R3HCC1L: variants seen among roughly 807,000 people sequenced by gnomAD.
The protein encoded by R3HCC1L is coiled-coil domain-containing protein R3HCC1L.
Under a neutral mutation model 59.9 loss-of-function variants are expected in R3HCC1L, and 51 were observed. That is an observed-to-expected ratio of 0.85 (90% confidence interval 0.68 to 1.07). The LOEUF is 1.07. Ranked by LOEUF, R3HCC1L falls within the 50% of genes least tolerant of loss-of-function variation. The pLI is 0.00. For synonymous variants in R3HCC1L, 322 were observed against 315.2 expected, an observed-to-expected ratio of 1.02 and a Z score of -0.23; for missense variants, 965 against 933.0, an observed-to-expected ratio of 1.03 and a Z score of -0.45.
intron 2 of R3HCC1L, among the ~76,000 whole-genome samples, chr10:98,160,314 A>G (rs1324507194): frequency 6.6e-6 from 1 of 152,246 alleles, no homozygotes; most frequent in African/African-American, 2.4e-5. Flanking sequence ...GAGATGTGTT[A>G]CAAGTGTAAA....
At chr10:98,206,957 G>T (rs1046275825) in intron 4 of R3HCC1L, among the ~76,000 whole-genome samples, 1 of 152,188 alleles carries the variant, frequency 6.6e-6, no homozygotes, top group Admixed American at 6.5e-5. Context: ...TGATGATCAG[G>T]GCCACGGTAT....
chr10:98,187,062 C>G (rs775929167), intron 4 of R3HCC1L, among the ~76,000 whole-genome samples: 1 of 152,130 alleles, frequency 6.6e-6, no homozygotes, highest in Non-Finnish European at 1.5e-5. Context: ...TATACAAGCA[C>G]TTAACCCAGT....
chr10:98,153,010 C>G (rs1220318077), intron 1 of R3HCC1L, among the ~76,000 whole-genome samples: 1 of 149,088 alleles, frequency 6.7e-6, no homozygotes, highest in East Asian at 2.1e-4. Context: ...CGCCTCCGCC[C>G]GGCCGCCGCC....
chr10:98,211,469 T>C, intron 5 of R3HCC1L: 1 of 1,259,474 alleles, frequency 7.9e-7, no homozygotes, highest in Non-Finnish European at 1.0e-6. Context: ...GAAATAATAA[T>C]AAGGTGGGAA....
chr10:98,208,055 T>C, intron 4 of R3HCC1L, 46 bp from the exon 5 acceptor site: 1 of 1,504,872 alleles, frequency 6.6e-7, no homozygotes, highest in Non-Finnish European at 8.9e-7. Flanking sequence ...TTTGGTTCAA[T>C]ACATTGTAAT....
At chr10:98,174,410 T>C in intron 4 of R3HCC1L, 1 of 521,238 alleles carries the variant, frequency 1.9e-6, no homozygotes, top group Non-Finnish European at 2.5e-6. Context: ...AAATCAGTTC[T>C]TACATTAATT....
chr10:98,152,803 CGTCTG>C (rs1846364241), intron 1 of R3HCC1L, among the ~76,000 whole-genome samples: 1 of 150,796 alleles, frequency 6.6e-6, no homozygotes, highest in South Asian at 2.1e-4. Flanking sequence ...GCAGCCGCCC[CGTCTG>C]AGAAGTGAGG....
chr10:98,235,560 G>T lies in R3HCC1L; in HGVS notation c.2128+40G>T. ...TCTGGGTTTTTTTCTTGCTGATGGT[G>T]GTATTATTGTTCTTTCCAGAAGTTT... On this transcript the variant is annotated intron_variant, in intron 8 of 9. Coordinates refer to ENST00000298999, the MANE Select transcript of R3HCC1L (RefSeq NM_001351015.2). 2.0e-6 allele frequency: 3 copies of T among 1,488,800 alleles called. No individual in the cohort carries two copies. The South Asian group carries it at 3.7e-5, about 18-fold the overall frequency. 92.2% of individuals were successfully genotyped at this position (1,488,800 alleles called of 1,614,324 possible).
chr10:98,235,884 A>G, intron 8 of R3HCC1L, 140 bp from the exon 9 acceptor site: 1 of 972,394 alleles, frequency 1.0e-6, no homozygotes. Context: ...TCTGATCATC[A>G]TCTATCAGAC....
chr10:98,239,225 A>C (rs1454095825), intron 9 of R3HCC1L, among the ~76,000 whole-genome samples: 3 of 152,230 alleles, frequency 2.0e-5, no homozygotes, highest in Admixed American at 6.5e-5. Flanking sequence ...TAAGAATTTA[A>C]TGTTCATTAT....
At position 98,236,006 on chromosome 10, in the gene R3HCC1L, T is replaced by A; in HGVS notation, c.2129-18T>A. ...CTCTTCTTGACTCCTTCCTACTCCC[T>A]TCCTTTCTTCGATTCAGAGTTCCTC... On this transcript the variant is annotated intron_variant, in intron 8 of 9. Coordinates refer to ENST00000298999, the MANE Select transcript of R3HCC1L (RefSeq NM_001351015.2). 1.2e-6 allele frequency: 2 copies of A among 1,609,792 alleles called. No individual in the cohort carries two copies. The highest frequency in any genetic ancestry group is 1.7e-6 in the Non-Finnish European group (2 of 1,176,860).
At chr10:98,145,227 A>G (rs534904601) in intron 1 of R3HCC1L, among the ~76,000 whole-genome samples, 3 of 152,376 alleles carry the variant, frequency 2.0e-5, no homozygotes, top group Non-Finnish European at 4.4e-5. Flanking sequence ...GAATTGCTGA[A>G]GAGTACAGTA....
chr10:98,216,424 G>A (rs564304569), intron 5 of R3HCC1L, among the ~76,000 whole-genome samples: 2 of 152,282 alleles, frequency 1.3e-5, no homozygotes, highest in East Asian at 3.9e-4. Flanking sequence ...TGAGGTGGAA[G>A]GATCGCTTGA....
intron 2 of R3HCC1L, among the ~76,000 whole-genome samples, chr10:98,160,144 A>G (rs1250283992): frequency 6.6e-6 from 1 of 152,232 alleles, no homozygotes; most frequent in Non-Finnish European, 1.5e-5. Flanking sequence ...ACTCTAGAAT[A>G]TAAGAAAATA....
chr10:98,227,576 GTT>G (rs11289626), intron 5 of R3HCC1L, among the ~76,000 whole-genome samples: 1,797 of 140,664 alleles, frequency 0.013, 26 homozygotes, highest in African/African-American at 0.037. Flanking sequence ...AGCAGTGTGT[GTT>G]TTTTTTTTTT....
chr10:98,198,572 A>G (rs1851710566), intron 4 of R3HCC1L, among the ~76,000 whole-genome samples: 2 of 152,042 alleles, frequency 1.3e-5, no homozygotes, highest in South Asian at 4.1e-4. Context: ...GTTGGGAAAA[A>G]TGCTTCTAAA....
intron 1 of R3HCC1L, among the ~76,000 whole-genome samples, chr10:98,148,661 G>T (rs1845882531): frequency 6.6e-6 from 1 of 151,944 alleles, no homozygotes; most frequent in Admixed American, 6.6e-5. Flanking sequence ...TTTGTTCTTG[G>T]TTCTGTTAAT....
At chr10:98,163,250 CTG>C (rs1369885443) in intron 3 of R3HCC1L, 41 bp from the exon 4 acceptor site, 28 of 437,198 alleles carry the variant, frequency 6.4e-5, no homozygotes, top group Admixed American at 1.2e-4. Context: ...AAAGAAATAA[CTG>C]TGTATTTTTA....
At position 98,218,111 on chromosome 10, in the gene R3HCC1L, C is replaced by CT. The variant is rs568240977; in HGVS notation, c.1785+8216dup. 7.7e-4 allele frequency among the ~76,000 whole-genome samples: 117 copies of CT among 152,204 alleles called. 1 individual carries two copies. The Middle Eastern group carries it at 0.014, about 18-fold the overall frequency. On this transcript the variant is annotated intron_variant, in intron 5 of 9. Transcript: ENST00000298999. ...CCATTCTTAGAGGAAAAGTGGAAAGCTTTTCCCATTCATCATAATGTTAGG... is the reference window on the plus strand; with the variant it reads ...CCATTCTTAGAGGAAAAGTGGAAAGCTTTTTCCCATTCATCATAATGTTAGG...
Sources: gnomAD v4.1 joint callset for allele counts (sites outside exome capture counted in the v4.1 genomes callset) on GRCh38, gnomAD v4.1.1 for gene constraint, MANE v1.5 for transcripts, NCBI Gene and HGNC (gene_info 2026-07-23, HGNC 2026-07-21) for gene names.